Variants in ELK3 observed in about 807,000 individuals in gnomAD.
ELK3 encodes ETS transcription factor ELK3, also known as ETS domain-containing protein Elk-3.
ELK3 carries 10 observed loss-of-function variants against 28.9 expected under a neutral mutation model. That is an observed-to-expected ratio of 0.35 (90% CI 0.21 to 0.59). ELK3 has a LOEUF of 0.59. Ranked by LOEUF, ELK3 falls within the 20% of genes least tolerant of loss-of-function variation. The pLI, the probability that ELK3 is intolerant of heterozygous loss-of-function variation, is 0.82. For synonymous variants in ELK3, 272 were observed against 243.5 expected, an observed-to-expected ratio of 1.12 and a Z score of -1.09; for missense variants, 463 against 517.3, an observed-to-expected ratio of 0.90 and a Z score of 1.02.
intron 2 of ELK3, among the ~76,000 whole-genome samples, chr12:96,236,023 AC>A (rs1345841771): frequency 6.6e-6 from 1 of 152,042 alleles, no homozygotes; most frequent in Non-Finnish European, 1.5e-5. Context: ...ATGGGGTTTC[AC>A]CATGTTGGCC....
At chr12:96,253,686 T>A (rs997746546) in intron 3 of ELK3, among the ~76,000 whole-genome samples, 8 of 152,222 alleles carry the variant, frequency 5.3e-5, no homozygotes, top group Admixed American at 2.0e-4. Flanking sequence ...AGACATCTTG[T>A]TTCTCTCTCC....
intron 1 of ELK3, among the ~76,000 whole-genome samples, chr12:96,195,281 TG>T (rs139536848): frequency 0.043 from 6,474 of 149,696 alleles, 213 homozygotes; most frequent in Non-Finnish European, 0.067. Flanking sequence ...GGTGTGGGGC[TG>T]GGGGCTGCGT....
At position 96,269,581 on chromosome 12, in the gene ELK3, ATG is replaced by A. The variant is rs950679177; in HGVS notation, c.*2409_*2410del. ...TCTGCCTCATTCTGTGTGTGTGTGCATGTGTGTGTTAGCAGAGGTATTTTACT... is the reference window on the plus strand; with the variant it reads ...TCTGCCTCATTCTGTGTGTGTGTGCATGTGTGTTAGCAGAGGTATTTTACT... On this transcript the variant is annotated 3_prime_UTR_variant, in exon 5 of 5. Transcript: ENST00000228741. 7 of 152,156 alleles carry A rather than the reference ATG, an allele frequency of 4.6e-5. No individual in the cohort carries two copies. Among genetic ancestry groups the A allele is most frequent in the Non-Finnish European group, 8.8e-5 (6 of 68,012 alleles). 9.4% of individuals were successfully genotyped at this position (152,156 alleles called of 1,614,324 possible).
chr12:96,196,004 G>A (rs1592947633), intron 1 of ELK3, among the ~76,000 whole-genome samples: 1 of 152,064 alleles, frequency 6.6e-6, no homozygotes, highest in Non-Finnish European at 1.5e-5. Flanking sequence ...GGAGTTGGCT[G>A]CGGAGAGGGT....
At chr12:96,245,773 G>C (rs1043010818) in intron 2 of ELK3, among the ~76,000 whole-genome samples, 1 of 152,020 alleles carries the variant, frequency 6.6e-6, no homozygotes, top group African/African-American at 2.4e-5. Context: ...GTTCGGCAGG[G>C]AATTAAAGTA....
At chr12:96,245,089 C>T (rs1316350000) in intron 2 of ELK3, among the ~76,000 whole-genome samples, 1 of 152,058 alleles carries the variant, frequency 6.6e-6, no homozygotes, top group African/African-American at 2.4e-5. Context: ...TGGGCGTCGG[C>T]CTGTATGCTG....
intron 2 of ELK3, among the ~76,000 whole-genome samples, chr12:96,244,179 C>T (rs1951840729): frequency 6.6e-6 from 1 of 152,102 alleles, no homozygotes; most frequent in Non-Finnish European, 1.5e-5. Context: ...TCATTCTTTA[C>T]TACAGCTGGA....
chr12:96,267,900 T>G lies in ELK3; in HGVS notation c.*720T>G, dbSNP rs1037219310. Reference sequence around the variant, plus strand: ...TGAAAGGCTAGCCTCCTTAGCTGTTTACAGTATCTTATCTTTTAGATGCCT... The same window carrying G: ...TGAAAGGCTAGCCTCCTTAGCTGTTGACAGTATCTTATCTTTTAGATGCCT... On this transcript the variant is annotated 3_prime_UTR_variant, in exon 5 of 5. Coordinates refer to ENST00000228741, the MANE Select transcript of ELK3 (RefSeq NM_005230.4). 1 of 152,552 alleles carries G rather than the reference T, an allele frequency of 6.6e-6. No homozygotes were observed. The highest frequency in any genetic ancestry group is 2.4e-5 in the African/African-American group (1 of 41,468). The allele number at this position is 152,552 out of a possible 1,614,324, so 9.4% of individuals were successfully genotyped here. A position where few individuals can be genotyped will look rare whatever the true frequency, so the allele number is the denominator to read the frequency against.
chr12:96,224,481 G>A (rs1291162556), intron 2 of ELK3, among the ~76,000 whole-genome samples: 3 of 152,192 alleles, frequency 2.0e-5, no homozygotes, highest in Non-Finnish European at 4.4e-5. Context: ...AACACTGCTT[G>A]GTATGTGGTG....
chr12:96,208,899 G>T (rs1332612692), intron 1 of ELK3, among the ~76,000 whole-genome samples: 1 of 152,222 alleles, frequency 6.6e-6, no homozygotes, highest in Non-Finnish European at 1.5e-5. Context: ...ACAGATGGTT[G>T]GGCACCTCTC....
At position 96,194,576 on chromosome 12, in the gene ELK3, A is replaced by AG. The variant is rs2136993626; in HGVS notation, c.-127dup. On this transcript the variant is annotated 5_prime_UTR_variant, in exon 1 of 5. Transcript: ENST00000228741. ...AAAGAGGAGCGAGAGAAAGAAAAAA[A>AG]GGGGGAAAAATCAGGATCTCATTAC... 1 of 149,944 alleles carries AG rather than the reference A, an allele frequency of 6.7e-6. No homozygotes were observed. Among genetic ancestry groups the AG allele is most frequent in the East Asian group, 2.0e-4 (1 of 5,088 alleles). 9.3% of individuals were successfully genotyped at this position (149,944 alleles called of 1,614,324 possible). A position where few individuals can be genotyped will look rare whatever the true frequency, so the allele number is the denominator to read the frequency against.
chr12:96,235,647 G>GGA (rs1208248399), intron 2 of ELK3, among the ~76,000 whole-genome samples: 2 of 152,028 alleles, frequency 1.3e-5, no homozygotes, highest in East Asian at 3.9e-4. Context: ...GACAAAGCCA[G>GGA]GATGAGAAGA....
chr12:96,228,314 AG>A lies in ELK3; in HGVS notation c.207+4543del, dbSNP rs574310952. Among the ~76,000 whole-genome samples the A allele has an allele frequency of 4.7e-3, 693 of 146,908 alleles. 4 individuals are homozygous for A. Among genetic ancestry groups the A allele is most frequent in the African/African-American group, 0.016 (653 of 39,824 alleles). ...ACACCTGTGGTCCCAGTTACTCCAG[AG>A]GCTGAGGCAGGAGAATCGCTTGAAC... On this transcript the variant is annotated intron_variant, in intron 2 of 4. Transcript: ENST00000228741.
intron 3 of ELK3, among the ~76,000 whole-genome samples, chr12:96,255,853 A>G (rs549794029): frequency 6.6e-6 from 1 of 152,322 alleles, no homozygotes; most frequent in South Asian, 2.1e-4. Context: ...AAGTCACCAT[A>G]TATAGGGTCA....
intron 2 of ELK3, among the ~76,000 whole-genome samples, chr12:96,230,961 G>C (rs559730192): frequency 1.3e-5 from 2 of 152,182 alleles, no homozygotes; most frequent in Non-Finnish European, 2.9e-5. Context: ...TCCAGGGAGC[G>C]GCATGTTTTG....
chr12:96,204,451 A>G (rs1951527341), intron 1 of ELK3, among the ~76,000 whole-genome samples: 1 of 152,216 alleles, frequency 6.6e-6, no homozygotes, highest in South Asian at 2.1e-4. Context: ...ACGGGGGAGG[A>G]CTAGGTCTCC....
intron 4 of ELK3, among the ~76,000 whole-genome samples, chr12:96,265,103 T>TGTCAA (rs1249801170): frequency 3.3e-5 from 5 of 152,100 alleles, no homozygotes; most frequent in Non-Finnish European, 7.4e-5. Context: ...TGGAAATGGT[T>TGTCAA]GTCAAGTCCA....
intron 3 of ELK3, among the ~76,000 whole-genome samples, chr12:96,254,518 G>C (rs558257136): frequency 6.6e-6 from 1 of 152,230 alleles, no homozygotes; most frequent in Admixed American, 6.5e-5. Flanking sequence ...ATAGCCCTTG[G>C]CAAGAGTCAA....
At chr12:96,200,970 A>G (rs1951504246) in intron 1 of ELK3, among the ~76,000 whole-genome samples, 1 of 152,104 alleles carries the variant, frequency 6.6e-6, no homozygotes, top group Non-Finnish European at 1.5e-5. Context: ...GCCTCTGGCT[A>G]ATTTTTTTAT....
Sources: allele counts gnomAD v4.1 joint callset (sites outside exome capture counted in the v4.1 genomes callset), GRCh38; gene constraint gnomAD v4.1.1; transcripts MANE v1.5; gene names NCBI Gene and HGNC (gene_info 2026-07-23, HGNC 2026-07-21).